The following AGAP4 variants were observed in gnomAD, a reference collection of about 807,000 sequenced individuals.
The protein encoded by AGAP4 is arf-GAP with GTPase, ANK repeat and PH domain-containing protein 4.
A neutral mutation model predicts 60.7 loss-of-function variants in AGAP4; 13 were observed. That is an observed-to-expected ratio of 0.21 (90% CI 0.14 to 0.34). The LOEUF is 0.34. Among genes scored for constraint, AGAP4 ranks in the 10% least tolerant of loss-of-function variants. The probability of loss-of-function intolerance (pLI) is 1.00; values close to 1 mark genes in which losing one functional copy is unlikely to be tolerated. For missense variants in AGAP4, 169 were observed against 884.0 expected, an observed-to-expected ratio of 0.19 and a Z score of 10.26; for synonymous variants, 70 against 339.0, an observed-to-expected ratio of 0.21 and a Z score of 8.72.
At chr10:45,849,473 G>T (rs79786386), upstream of AGAP4, among the ~76,000 whole-genome samples, 41,662 of 144,168 alleles carry the variant, frequency 0.29, 3,261 homozygotes, top group Admixed American at 0.36. Context: ...TGATGATGAT[G>T]ATTATTATTA....
chr10:45,849,443 G>A (rs1554900069), upstream of AGAP4, among the ~76,000 whole-genome samples: 1 of 148,592 alleles, frequency 6.7e-6, no homozygotes, highest in East Asian at 2.1e-4. Flanking sequence ...AGCTTGGATG[G>A]GAAATGACAT....
chr10:45,840,061 G>T (rs1359191848), intron 4 of AGAP4, among the ~76,000 whole-genome samples: 42 of 149,732 alleles, frequency 2.8e-4, no homozygotes, highest in African/African-American at 1.0e-3. Context: ...AAATTCTCAA[G>T]AAGAGATAGT....
At chr10:45,842,445 T>TGTGTTAGCCA (rs2058934716) in intron 3 of AGAP4, among the ~76,000 whole-genome samples, 1 of 148,928 alleles carries the variant, frequency 6.7e-6, no homozygotes, top group South Asian at 2.1e-4. Context: ...AGAGTTACAC[T>TGTGTTAGCCA]GTGTTAGCCA....
At chr10:45,832,217 T>A (rs1467967007) in intron 5 of AGAP4, among the ~76,000 whole-genome samples, 9 of 142,722 alleles carry the variant, frequency 6.3e-5, no homozygotes, top group African/African-American at 2.1e-4. Flanking sequence ...CAAGTAGTTT[T>A]CATCTCTGAA....
intron 5 of AGAP4, 144 bp from the exon 6 acceptor site, chr10:45,831,573 T>C: frequency 4.8e-6 from 3 of 620,822 alleles, no homozygotes; most frequent in Non-Finnish European, 8.3e-6. Context: ...AAGGGCACTT[T>C]GTTTTCATTT....
At position 45,832,148 on chromosome 10, in the gene AGAP4, T is replaced by C. The variant is rs1363770459; in HGVS notation, c.498-719A>G. Among the ~76,000 whole-genome samples the C allele has an allele frequency of 2.9e-3, 404 of 140,726 alleles. 3 individuals are homozygous for C. The highest frequency in any genetic ancestry group is 1.0e-2 in the African/African-American group (384 of 38,402). 92.3% of individuals were successfully genotyped at this position (140,726 alleles called of 152,430 possible). ...TTCTACTAATAGGTCTACACAATAT[T>C]AGCACTTTTTAAAAAGCCTGTAACA... On this transcript the variant is annotated intron_variant, in intron 5 of 7. Transcript: ENST00000616763.
rs1441829687 is a variant in AGAP4, at chr10:45,829,868, AT to A, written c.533+1525del. The stretch of plus-strand genomic sequence containing the variant: ...ATACTTAAAGGCGTGTTAAAGAAAG[AT>A]TGGTGGTTAAACTAAAAGTGATTTT... On this transcript the variant is annotated intron_variant, in intron 6 of 7. Transcript: ENST00000616763. Among the ~76,000 whole-genome samples the A allele has an allele frequency of 2.7e-4, 40 of 150,602 alleles. 3 individuals carry two copies. The highest frequency in any genetic ancestry group is 4.3e-4 in the Non-Finnish European group (29 of 67,278).
At chr10:45,836,319 C>T (rs1431792515) in intron 4 of AGAP4, among the ~76,000 whole-genome samples, 1 of 152,054 alleles carries the variant, frequency 6.6e-6, no homozygotes, top group African/African-American at 2.4e-5. Flanking sequence ...TATAACAGAG[C>T]TACTGATTTG....
chr10:45,847,521 G>C (rs1325670737), upstream of AGAP4: 2 of 1,508,808 alleles, frequency 1.3e-6, no homozygotes, highest in Non-Finnish European at 1.8e-6. Flanking sequence ...CCCTGGCCCC[G>C]GCCCCGGCTA....
At chr10:45,830,642 T>C (rs1254646742) in intron 6 of AGAP4, among the ~76,000 whole-genome samples, 2 of 126,482 alleles carry the variant, frequency 1.6e-5, no homozygotes, top group South Asian at 3.0e-4. Flanking sequence ...CGTGCCATCA[T>C]GCCCAGCCAA....
At chr10:45,839,768 CA>C (rs1473506511) in intron 4 of AGAP4, among the ~76,000 whole-genome samples, 1 of 116,588 alleles carries the variant, frequency 8.6e-6, no homozygotes, top group African/African-American at 3.3e-5. Flanking sequence ...GGGAAGCCTC[CA>C]AGAAAAGAGA....
chr10:45,849,225 C>G (rs1377975945), upstream of AGAP4, among the ~76,000 whole-genome samples: 7 of 150,908 alleles, frequency 4.6e-5, no homozygotes, highest in East Asian at 1.2e-3. Context: ...GACTCCATCC[C>G]AAAAAACAAA....
chr10:45,832,032 C>A (rs2058740491), intron 5 of AGAP4, among the ~76,000 whole-genome samples: 2 of 136,004 alleles, frequency 1.5e-5, no homozygotes, highest in Non-Finnish European at 3.2e-5. Flanking sequence ...GCCTCAGCCT[C>A]CCAAGTGGCT....
chr10:45,837,550 C>A (rs2058841460), intron 4 of AGAP4, among the ~76,000 whole-genome samples: 1 of 150,668 alleles, frequency 6.6e-6, no homozygotes, highest in Admixed American at 6.6e-5. Context: ...AATAGAGAAC[C>A]CAGAAATAAA....
chr10:45,832,113 C>T (rs1230162345), intron 5 of AGAP4, among the ~76,000 whole-genome samples: 2 of 137,028 alleles, frequency 1.5e-5, no homozygotes, highest in African/African-American at 2.7e-5. Context: ...TGAGGGAAGG[C>T]AAATCTCAAT....
chr10:45,838,827 A>C (rs1332446965), intron 4 of AGAP4, among the ~76,000 whole-genome samples: 50 of 151,638 alleles, frequency 3.3e-4, no homozygotes, highest in Admixed American at 2.8e-3. Flanking sequence ...AATATTTCTA[A>C]CACTTTGGGC....
At chr10:45,846,142 C>T (rs1462783409) in intron 2 of AGAP4, among the ~76,000 whole-genome samples, 1 of 150,286 alleles carries the variant, frequency 6.7e-6, no homozygotes, top group Non-Finnish European at 1.5e-5. Flanking sequence ...TGTTAAGTCA[C>T]CAGAATAAAT....
intron 3 of AGAP4, among the ~76,000 whole-genome samples, chr10:45,843,902 C>A (rs2058959199): frequency 6.7e-6 from 1 of 149,870 alleles, no homozygotes; most frequent in South Asian, 2.1e-4. Flanking sequence ...CAGATTCAAT[C>A]CCTGATGATA....
intron 2 of AGAP4, among the ~76,000 whole-genome samples, chr10:45,846,119 G>A (rs1385116796): frequency 1.4e-5 from 2 of 147,982 alleles, no homozygotes; most frequent in African/African-American, 5.0e-5. Context: ...AGAACAAGGA[G>A]GTAAATAAAG....
Sources: gnomAD v4.1 joint callset for allele counts (sites outside exome capture counted in the v4.1 genomes callset) on GRCh38, gnomAD v4.1.1 for gene constraint, MANE v1.5 for transcripts, NCBI Gene and HGNC (gene_info 2026-07-23, HGNC 2026-07-21) for gene names.